The following NAALADL2 variants were observed in gnomAD, a reference collection of about 807,000 sequenced individuals.
NAALADL2 encodes the protein N-acetylated alpha-linked acidic dipeptidase like 2.
A neutral mutation model predicts 87.2 loss-of-function variants in NAALADL2; 76 were observed. The observed-to-expected ratio is 0.87, with a 90% CI of 0.72 to 1.05. NAALADL2 has a LOEUF of 1.05. Among genes scored for constraint, NAALADL2 ranks in the 50% least tolerant of loss-of-function variants. The probability of loss-of-function intolerance (pLI) is 0.00; values close to 1 mark genes in which losing one functional copy is unlikely to be tolerated. For missense variants in NAALADL2, 1,089 were observed against 945.8 expected (o/e 1.15, Z -1.99); for synonymous variants, 354 against 331.0 (o/e 1.07, Z -0.75).
intron 11 of NAALADL2, among the ~76,000 whole-genome samples, chr3:175,673,308 G>A (rs144430949): frequency 1.2e-3 from 186 of 152,190 alleles, no homozygotes; most frequent in African/African-American, 4.4e-3. Flanking sequence ...CCAAATTAAG[G>A]GAGAGTCAGA....
intron 3 of NAALADL2, among the ~76,000 whole-genome samples, chr3:174,752,744 C>T (rs572731121): frequency 2.6e-5 from 4 of 152,008 alleles, no homozygotes; most frequent in African/African-American, 9.6e-5. Context: ...GGATAAAATA[C>T]TTGAGAATAG....
At chr3:174,586,363 G>A (rs1181104111) in intron 2 of NAALADL2, among the ~76,000 whole-genome samples, 1 of 152,156 alleles carries the variant, frequency 6.6e-6, no homozygotes, top group Non-Finnish European at 1.5e-5. Context: ...AATTATGTGT[G>A]CACATTCATT....
At chr3:175,535,963 C>T (rs1241905244) in intron 9 of NAALADL2, among the ~76,000 whole-genome samples, 3 of 152,214 alleles carry the variant, frequency 2.0e-5, no homozygotes, top group Non-Finnish European at 2.9e-5. Context: ...CAAATTGAGG[C>T]GCAACGCAGT....
intron 10 of NAALADL2, among the ~76,000 whole-genome samples, chr3:175,593,074 GTACCA>G (rs1721750494): frequency 1.3e-5 from 2 of 151,894 alleles, no homozygotes; most frequent in Non-Finnish European, 1.5e-5. Context: ...AGGTAAACCT[GTACCA>G]TGATGGTTTG....
chr3:174,524,948 G>A (rs1261849232), intron 1 of NAALADL2, among the ~76,000 whole-genome samples: 2 of 152,176 alleles, frequency 1.3e-5, no homozygotes, highest in Non-Finnish European at 2.9e-5. Context: ...ATGTTTAGAT[G>A]TACAAACACT....
rs1218541791 is a variant in NAALADL2, at chr3:175,588,505, C to CAATTT, written c.1800+12320_1800+12324dup. ...GGAGATGTGTTTTTAAGAAAGAGCT[C>CAATTT]AATTTAGGAGACTTTCTTTCTTTCT... On this transcript the variant is annotated intron_variant, in intron 10 of 13. Transcript: ENST00000454872. Among the ~76,000 whole-genome samples, 6 of 144,560 alleles carry CAATTT rather than the reference C, an allele frequency of 4.2e-5. No individual in the cohort carries two copies. The East Asian group carries it at 8.1e-4, about 20-fold the overall frequency. 94.8% of individuals were successfully genotyped at this position (144,560 alleles called of 152,430 possible). A position where few individuals can be genotyped will look rare whatever the true frequency, so the allele number is the denominator to read the frequency against.
chr3:175,756,719 G>T (rs564188049), intron 13 of NAALADL2, among the ~76,000 whole-genome samples: 1 of 152,084 alleles, frequency 6.6e-6, no homozygotes, highest in African/African-American at 2.4e-5. Context: ...TTCACTATTT[G>T]GGTGATGGGT....
Position 174,787,582 on chromosome 3 carries a change from T to TATATATATATATATATAC in NAALADL2, c.-9+49853_-9+49854insCATATATATATATATATA, listed in dbSNP as rs1178985931. Among the ~76,000 whole-genome samples the TATATATATATATATATAC allele has an allele frequency of 4.2e-3, 201 of 47,884 alleles. 7 individuals are homozygous for TATATATATATATATATAC. The highest frequency in any genetic ancestry group is 0.012 in the African/African-American group (162 of 13,268). 31.4% of individuals were successfully genotyped at this position (47,884 alleles called of 152,430 possible). Reference sequence around the variant, plus strand: ...GAAGAAGGCAATATATCATCATATATATATATATATATATATATATATATA... The same window carrying TATATATATATATATATAC: ...GAAGAAGGCAATATATCATCATATATATATATATATATATATACATATATATATATATATATATATATA... On this transcript the variant is annotated intron_variant, in intron 3 of 3. Transcript: ENST00000434257.
chr3:174,555,666 G>A (rs190647992), intron 2 of NAALADL2, among the ~76,000 whole-genome samples: 1 of 152,130 alleles, frequency 6.6e-6, no homozygotes, highest in African/African-American at 2.4e-5. Flanking sequence ...TGATCTGATG[G>A]TAATAAACTG....
At chr3:175,226,194 C>T (rs1225175451) in intron 2 of NAALADL2, among the ~76,000 whole-genome samples, 6 of 152,040 alleles carry the variant, frequency 3.9e-5, no homozygotes, top group South Asian at 4.1e-4. Flanking sequence ...GAGACTATTA[C>T]GTTCTCTGGC....
At position 175,093,684 on chromosome 3, in the gene NAALADL2, G is replaced by A. The variant is rs184882830; in HGVS notation, c.44-3106G>A. 5.0e-4 allele frequency among the ~76,000 whole-genome samples: 76 copies of A among 151,580 alleles called. No homozygotes were observed. In the East Asian group the frequency reaches 0.014, roughly 27 times the overall value. On this transcript the variant is annotated intron_variant, in intron 1 of 13. Transcript: ENST00000454872. Reference sequence around the variant, plus strand: ...ATGTCATTACATACTCATTTCCGTAGTAATTTCCCTGAAATACTTTGGAGT... The same window carrying A: ...ATGTCATTACATACTCATTTCCGTAATAATTTCCCTGAAATACTTTGGAGT...
intron 10 of NAALADL2, among the ~76,000 whole-genome samples, chr3:175,591,026 C>CT (rs1721374610): frequency 1.9e-5 from 1 of 52,886 alleles, no homozygotes; most frequent in Non-Finnish European, 8.7e-5. Flanking sequence ...CTATGATTAA[C>CT]CTGTAAGGCA....
intron 2 of NAALADL2, among the ~76,000 whole-genome samples, chr3:175,119,565 G>T (rs879683771): frequency 1.3e-5 from 2 of 150,886 alleles, no homozygotes; most frequent in Non-Finnish European, 3.0e-5. Context: ...GTAAGGAAAG[G>T]AGAAGAGGAA....
intron 13 of NAALADL2, among the ~76,000 whole-genome samples, chr3:175,783,189 G>A (rs1046234108): frequency 3.3e-5 from 5 of 152,116 alleles, no homozygotes; most frequent in African/African-American, 1.2e-4. Flanking sequence ...GGTGATGCAG[G>A]CTCTTTTTTG....
chr3:175,208,544 C>G (rs945022007), intron 2 of NAALADL2, among the ~76,000 whole-genome samples: 1 of 152,034 alleles, frequency 6.6e-6, no homozygotes, highest in African/African-American at 2.4e-5. Context: ...AGCATGTGCT[C>G]GATGAGTCAA....
intron 13 of NAALADL2, among the ~76,000 whole-genome samples, chr3:175,780,266 ACT>A (rs1491210504): frequency 4.7e-5 from 7 of 150,478 alleles, no homozygotes; most frequent in African/African-American, 7.3e-5. Context: ...ACAGAGCGAG[ACT>A]CTGTCTCAAA....
chr3:175,142,430 T>C (rs1318810086), intron 2 of NAALADL2, among the ~76,000 whole-genome samples: 1 of 152,056 alleles, frequency 6.6e-6, no homozygotes, highest in African/African-American at 2.4e-5. Flanking sequence ...TATATTATCT[T>C]AATCCTCTCA....
At chr3:174,662,646 G>A (rs1725606755) in intron 2 of NAALADL2, among the ~76,000 whole-genome samples, 1 of 152,200 alleles carries the variant, frequency 6.6e-6, no homozygotes, top group African/African-American at 2.4e-5. Context: ...GACGTGATGA[G>A]ATGGTCTGCA....
chr3:175,022,884 T>C (rs556148363), intron 1 of NAALADL2, among the ~76,000 whole-genome samples: 45 of 152,266 alleles, frequency 3.0e-4, no homozygotes, highest in Non-Finnish European at 4.1e-4. Flanking sequence ...AGTCTAACAC[T>C]GTACCAGACC....
Sources: gnomAD v4.1 joint callset for allele counts (sites outside exome capture counted in the v4.1 genomes callset) on GRCh38, gnomAD v4.1.1 for gene constraint, MANE v1.5 for transcripts, NCBI Gene and HGNC (gene_info 2026-07-23, HGNC 2026-07-21) for gene names.